NLRC5: variants seen among roughly 807,000 people sequenced by gnomAD.
The protein encoded by NLRC5 is protein NLRC5.
Under a neutral mutation model 206.9 loss-of-function variants are expected in NLRC5, and 114 were observed. The observed-to-expected ratio is 0.55, with a 90% CI of 0.47 to 0.64. The LOEUF is 0.64. NLRC5 is among the 30% of genes least tolerant of loss of function. The pLI is 0.00. For missense variants in NLRC5, 2,008 were observed against 2,305.5 expected, an observed-to-expected ratio of 0.87 and a Z score of 2.64; for synonymous variants, 952 against 962.8, an observed-to-expected ratio of 0.99 and a Z score of 0.21.
chr16:57,042,575 C>A (rs1411132484), intron 19 of NLRC5, among the ~76,000 whole-genome samples: 2 of 152,176 alleles, frequency 1.3e-5, no homozygotes. Context: ...TTCTTGATCC[C>A]TAAATGCCCT....
chr16:57,033,744 GC>G, intron 12 of NLRC5, 75 bp downstream of exon 12: 1 of 1,403,398 alleles, frequency 7.1e-7, no homozygotes, highest in Non-Finnish European at 1.0e-6. Flanking sequence ...GAGAGCAGGG[GC>G]AGGGAGGATA....
In NLRC5 at chr16:57,025,359, C is replaced by G; in HGVS notation, c.425-9C>G. 3 of 1,530,520 alleles carry G rather than the reference C, an allele frequency of 2.0e-6. No individual in the cohort carries two copies. In the South Asian group the frequency reaches 3.9e-5, roughly 20 times the overall value. 94.8% of individuals were successfully genotyped at this position (1,530,520 alleles called of 1,614,324 possible). On this transcript the variant is annotated splice_polypyrimidine_tract_variant and intron_variant, in intron 5 of 48. Transcript: ENST00000688547. ...TCCTCTCCTCATGCCATGTCCCTGC[C>G]CCTTGCAGAGTTGGCCAAGAAGTAC...
chr16:57,008,263 T>C (rs552572992), intron 1 of NLRC5, among the ~76,000 whole-genome samples: 1 of 152,318 alleles, frequency 6.6e-6, no homozygotes, highest in Non-Finnish European at 1.5e-5. Flanking sequence ...CTTTTTCCCA[T>C]GTTTTGTTTG....
rs140863064 is a variant in NLRC5 at position 57,040,681 on chromosome 16, A to T, written c.2902A>T (p.Met968Leu). ...ATTTCTTGACAGCCTCATGCTCCAG[A>T]TGCCCTCTGAGCTGCCTCTGAGCTC... ...AAFLDSLMLQMPSELPLSSRR... is the reference protein window; with the variant it reads ...AAFLDSLMLQLPSELPLSSRR... The change falls in exon 17 of 49, where the codon ATG becomes TTG. Residue 968 changes from methionine (M) to leucine (L), a missense_variant. Coordinates refer to ENST00000688547, the MANE Select transcript of NLRC5 (RefSeq NM_001384950.1). 1.2e-4 allele frequency: 201 copies of T among 1,614,112 alleles called. No individual in the cohort carries two copies. In the African/African-American group the frequency reaches 2.3e-3, roughly 18 times the overall value.
chr16:57,026,540 A>G lies in NLRC5; in HGVS notation c.1597A>G (p.Asn533Asp). Residue 533 changes from asparagine to aspartate, a missense_variant, in exon 6 of 49, where the codon AAC becomes GAC. Physicochemically the swap from Asn to Asp is conservative, Grantham distance 23. Coordinates refer to ENST00000688547, the MANE Select transcript of NLRC5 (RefSeq NM_001384950.1). ...ALHLMASPKV[N>D]KDTLTQYVTL... ...GCACCTGATGGCCAGCCCCAAGGTG[A>G]ACAAAGACACACTTACCCAGTATGT... 1.2e-6 allele frequency: 2 copies of G among 1,614,146 alleles called. No homozygotes were observed. Among genetic ancestry groups the G allele is most frequent in the Non-Finnish European group, 1.7e-6 (2 of 1,180,030 alleles).
rs1304864018 is a variant in NLRC5 at position 57,026,828 on chromosome 16, A to G, written c.1885A>G (p.Ser629Gly). ...TGAGACACAGGAGCCTGAGCTGGCC[A>G]GTCTCACCGCACAAAGCCTCCCCTA... is the stretch of plus-strand genomic sequence containing the variant. ...VDETQEPELA[S>G]LTAQSLPYQL... is the part of the protein sequence containing the mutation. The change falls in exon 6 of 49, where the codon AGT becomes GGT. Residue 629 changes from serine to glycine, a missense_variant. Coordinates refer to ENST00000688547, the MANE Select transcript of NLRC5 (RefSeq NM_001384950.1). 3 of 1,614,222 alleles carry G rather than the reference A, an allele frequency of 1.9e-6. No homozygotes were observed. Among genetic ancestry groups the G allele is most frequent in the East Asian group, 4.5e-5 (2 of 44,880 alleles).
chr16:57,000,955 C>G (rs564328122), intron 1 of NLRC5, among the ~76,000 whole-genome samples: 2 of 152,208 alleles, frequency 1.3e-5, no homozygotes, highest in Non-Finnish European at 2.9e-5. Context: ...CCTTTCCCTC[C>G]CAGGGCCTCA....
intron 34 of NLRC5, among the ~76,000 whole-genome samples, 159 bp from the exon 35 acceptor site, chr16:57,067,225 ACTC>A (rs2067170512): frequency 6.6e-6 from 1 of 152,026 alleles, no homozygotes; most frequent in African/African-American, 2.4e-5. Context: ...CCCCATCTGG[ACTC>A]CTGCTTCCTA....
chr16:57,063,639 C>T (rs1280849613), intron 32 of NLRC5, among the ~76,000 whole-genome samples: 1 of 152,212 alleles, frequency 6.6e-6, no homozygotes, highest in Non-Finnish European at 1.5e-5. Context: ...ATCCTCCCAC[C>T]TCAGCCTCCC....
chr16:57,065,778 C>T (rs12599479), intron 33 of NLRC5, among the ~76,000 whole-genome samples: 10,917 of 152,256 alleles, frequency 0.072, 495 homozygotes, highest in East Asian at 0.13. Context: ...AGTCTAATTA[C>T]GGCCCTTTGC....
Position 57,055,455 on chromosome 16 carries a change from A to G in NLRC5, c.3682A>G (p.Ser1228Gly). 1.9e-6 allele frequency: 3 copies of G among 1,613,958 alleles called. No individual in the cohort carries two copies. Among genetic ancestry groups the G allele is most frequent in the Non-Finnish European group, 1.7e-6 (2 of 1,179,928 alleles). ...CCGRFTGCSL[S>G]QEHVESLCWL... ...CAGCAGGTTCACAGGCTGCAGCCTC[A>G]GCCAGGAGCACGTAGAGTCACTCTG... Residue 1228 changes from serine (S) to glycine (G), a missense_variant, in exon 27 of 49, where the codon AGC becomes GGC. Transcript: ENST00000688547.
At chr16:57,012,573 T>C (rs541290001) in intron 1 of NLRC5, among the ~76,000 whole-genome samples, 36 of 152,220 alleles carry the variant, frequency 2.4e-4, no homozygotes, top group African/African-American at 8.4e-4. Context: ...TAGATTCTCA[T>C]AGGAGCACAA....
chr16:57,009,509 C>T (rs1185196035), intron 1 of NLRC5, among the ~76,000 whole-genome samples: 5 of 151,810 alleles, frequency 3.3e-5, no homozygotes, highest in African/African-American at 4.8e-5. Flanking sequence ...AAGAGAATGG[C>T]GTGAACCTGG....
chr16:57,012,916 T>C (rs1248188046), intron 1 of NLRC5, among the ~76,000 whole-genome samples: 2 of 152,230 alleles, frequency 1.3e-5, no homozygotes, highest in Non-Finnish European at 2.9e-5. Flanking sequence ...TGAAATGCTA[T>C]GTGGCTGTGT....
Position 57,015,378 on chromosome 16 carries a change from A to G in NLRC5, c.-127-1696A>G, listed in dbSNP as rs546435404. Among the ~76,000 whole-genome samples, 307 of 152,278 alleles carry G rather than the reference A, an allele frequency of 2.0e-3. 1 individual carries two copies. The highest frequency in any genetic ancestry group is 6.5e-3 in the African/African-American group (269 of 41,544). Reference sequence around the variant, plus strand: ...TTGGTGGGGGAGGTGGGACACAAACATTCAGTCCACGGCAAGTTTTTATCT... The same window carrying G: ...TTGGTGGGGGAGGTGGGACACAAACGTTCAGTCCACGGCAAGTTTTTATCT... On this transcript the variant is annotated intron_variant, in intron 1 of 48. Transcript: ENST00000688547.
intron 34 of NLRC5, among the ~76,000 whole-genome samples, chr16:57,067,096 G>A (rs2067159594): frequency 6.6e-6 from 1 of 152,146 alleles, no homozygotes; most frequent in Non-Finnish European, 1.5e-5. Flanking sequence ...CCTTTTGAGT[G>A]GATGCAGCCC....
At chr16:57,010,411 G>A (rs931123099) in intron 1 of NLRC5, among the ~76,000 whole-genome samples, 10 of 152,134 alleles carry the variant, frequency 6.6e-5, no homozygotes, top group Admixed American at 1.3e-4. Context: ...GTCTCACTCT[G>A]TTGCCCAGGC....
chr16:57,047,747 G>C, intron 23 of NLRC5, 119 bp downstream of exon 23: 1 of 852,644 alleles, frequency 1.2e-6, no homozygotes, highest in Non-Finnish European at 1.9e-6. Flanking sequence ...CACCAGCCCT[G>C]CCCCATGAGA....
chr16:57,070,676 G>A, intron 38 of NLRC5, 58 bp downstream of exon 38: 1 of 1,430,168 alleles, frequency 7.0e-7, no homozygotes. Flanking sequence ...ATGGATGGTG[G>A]AAGTGGGTGA....
Sources: allele counts gnomAD v4.1 joint callset (sites outside exome capture counted in the v4.1 genomes callset), GRCh38; gene constraint gnomAD v4.1.1; transcripts MANE v1.5; gene names NCBI Gene and HGNC (gene_info 2026-07-23, HGNC 2026-07-21).